Variants in LHFPL2 observed in about 807,000 individuals in gnomAD.
LHFPL2 encodes LHFPL tetraspan subfamily member 2.
Under a neutral mutation model 17.5 loss-of-function variants are expected in LHFPL2, and 7 were observed. That is an observed-to-expected ratio of 0.40 (90% CI 0.23 to 0.75). The LOEUF is 0.75. Ranked by LOEUF, LHFPL2 falls within the 30% of genes least tolerant of loss-of-function variation. The pLI, the probability that LHFPL2 is intolerant of heterozygous loss-of-function variation, is 0.37. For missense variants in LHFPL2, 241 were observed against 294.8 expected (o/e 0.82, Z 1.34); for synonymous variants, 134 against 116.2 (o/e 1.15, Z -0.99).
At chr5:78,633,984 G>GAAC (rs1179276067) in intron 1 of LHFPL2, among the ~76,000 whole-genome samples, 1 of 152,122 alleles carries the variant, frequency 6.6e-6, no homozygotes, top group Non-Finnish European at 1.5e-5. Context: ...AGAGTGAAAT[G>GAAC]AACTCTGTGG....
In LHFPL2 at chr5:78,510,207, G is replaced by A; in HGVS notation, c.7C>T (p.His3Tyr). 6.3e-7 allele frequency: 1 copy of A among 1,586,052 alleles called. No homozygotes were observed. Among genetic ancestry groups the A allele is most frequent in the Non-Finnish European group, 8.6e-7 (1 of 1,162,976 alleles). The part of the protein sequence containing the change: MC[H>Y]VIVTCRSMLW... The stretch of plus-strand genomic sequence containing the variant: ...ATCGAGCGACAGGTGACAATGACAT[G>A]ACACATATTGATGTTCCGGGCGAAG... The change falls in exon 4 of 5, where the codon CAT becomes TAT. Residue 3 changes from histidine to tyrosine, a missense_variant. By Grantham distance (83) the His-to-Tyr change is moderately conservative (BLOSUM62 2). Coordinates refer to ENST00000380345, the MANE Select transcript of LHFPL2 (RefSeq NM_005779.3).
chr5:78,616,666 T>C (rs886846852), intron 2 of LHFPL2, among the ~76,000 whole-genome samples: 18 of 152,316 alleles, frequency 1.2e-4, no homozygotes, highest in African/African-American at 4.3e-4. Context: ...CAATTGTCAC[T>C]GGCAGCCCTT....
At position 78,515,290 on chromosome 5, in the gene LHFPL2, C is replaced by T. The variant is rs530809642; in HGVS notation, c.-185-4892G>A. On this transcript the variant is annotated intron_variant, in intron 3 of 4. Transcript: ENST00000380345. ...TCCACCCCATCCCAATTATTTTCCC[C>T]GACATTGACTATTTGAAGATACTGG... Among the ~76,000 whole-genome samples the T allele has an allele frequency of 3.3e-5, 5 of 151,862 alleles. No homozygotes were observed. In the South Asian group the frequency reaches 8.3e-4, roughly 25 times the overall value.
intron 2 of LHFPL2, among the ~76,000 whole-genome samples, chr5:78,584,814 T>A (rs796238942): frequency 3.9e-5 from 6 of 152,118 alleles, no homozygotes; most frequent in Non-Finnish European, 8.8e-5. Flanking sequence ...GGCTCCACCC[T>A]GTTGGAGCTT....
intron 3 of LHFPL2, among the ~76,000 whole-genome samples, chr5:78,526,069 G>C (rs371680406): frequency 2.6e-5 from 4 of 151,984 alleles, no homozygotes; most frequent in East Asian, 3.9e-4. Context: ...GCTGTTCCCC[G>C]GCCCCTCAGT....
intron 4 of LHFPL2, among the ~76,000 whole-genome samples, chr5:78,494,840 C>T (rs10474553): frequency 0.49 from 74,295 of 152,010 alleles, 18,830 homozygotes; most frequent in African/African-American, 0.54. Flanking sequence ...GACTGGGCTC[C>T]GTGAGGGCAG....
intron 4 of LHFPL2, among the ~76,000 whole-genome samples, chr5:78,496,575 C>A (rs1228234555): frequency 2.0e-5 from 3 of 152,246 alleles, no homozygotes; most frequent in Non-Finnish European, 4.4e-5. Context: ...GTTGACCCAG[C>A]ACAGCTCACT....
intron 3 of LHFPL2, among the ~76,000 whole-genome samples, chr5:78,547,809 T>A (rs1756326628): frequency 6.6e-6 from 1 of 152,192 alleles, no homozygotes; most frequent in Admixed American, 6.5e-5. Context: ...ATGACGTAGG[T>A]CTCACTGTGG....
At position 78,557,976 on chromosome 5, in the gene LHFPL2, A is replaced by T. The variant is rs141295066; in HGVS notation, c.-186+6837T>A. Among the ~76,000 whole-genome samples, 606 of 152,352 alleles carry T rather than the reference A, an allele frequency of 4.0e-3. 2 individuals are homozygous for T. The highest frequency in any genetic ancestry group is 0.014 in the Middle Eastern group (4 of 294). On this transcript the variant is annotated intron_variant, in intron 3 of 4. Coordinates refer to ENST00000380345, the MANE Select transcript of LHFPL2 (RefSeq NM_005779.3). ...TTACAAAAACTTTATTGCAATTTGA[A>T]TTGAATTAATCCAAGAGAATAGAGA...
rs1756342282 is a variant in LHFPL2 at position 78,548,206 on chromosome 5, GGCGAT to G, written c.-186+16602_-186+16606del. Among the ~76,000 whole-genome samples the G allele has an allele frequency of 1.1e-4, 16 of 152,354 alleles. No homozygotes were observed. In the South Asian group the frequency reaches 3.3e-3, roughly 32 times the overall value. ...TCTGAGTGTTTTAAGGCCTGGATGT[GGCGAT>G]GCAGAGGCCTCCCAGCTACGGTACA... On this transcript the variant is annotated intron_variant, in intron 3 of 4. Coordinates refer to ENST00000380345, the MANE Select transcript of LHFPL2 (RefSeq NM_005779.3).
At chr5:78,593,172 C>T (rs530577093) in intron 2 of LHFPL2, among the ~76,000 whole-genome samples, 2 of 152,228 alleles carry the variant, frequency 1.3e-5, no homozygotes, top group East Asian at 3.9e-4. Context: ...AAGGAGATGC[C>T]AGCTGCTGCT....
intron 2 of LHFPL2, among the ~76,000 whole-genome samples, chr5:78,611,514 G>C (rs1744422664): frequency 6.6e-6 from 1 of 152,188 alleles, no homozygotes; most frequent in Non-Finnish European, 1.5e-5. Flanking sequence ...CAGAATCCTG[G>C]GGAAAAAGAC....
intron 2 of LHFPL2, among the ~76,000 whole-genome samples, chr5:78,601,503 C>T: frequency 6.6e-6 from 1 of 152,120 alleles, no homozygotes; most frequent in East Asian, 1.9e-4. Context: ...GGCAGCCTCC[C>T]CCAAAAGGAA....
chr5:78,504,580 A>G (rs781420320), intron 4 of LHFPL2, among the ~76,000 whole-genome samples: 21 of 152,204 alleles, frequency 1.4e-4, no homozygotes, highest in Admixed American at 3.3e-4. Context: ...TGCATTTCGT[A>G]TGCCCACCCA....
intron 3 of LHFPL2, among the ~76,000 whole-genome samples, chr5:78,517,914 C>T (rs563280270): frequency 6.6e-6 from 1 of 152,324 alleles, no homozygotes; most frequent in South Asian, 2.1e-4. Flanking sequence ...TCTATTTCTA[C>T]AAATGTCCTC....
At chr5:78,576,021 C>T (rs1046709066) in intron 2 of LHFPL2, among the ~76,000 whole-genome samples, 5 of 152,188 alleles carry the variant, frequency 3.3e-5, no homozygotes, top group African/African-American at 7.2e-5. Flanking sequence ...TCTGGCCGGG[C>T]GCAGTGGCTC....
chr5:78,508,552 T>A (rs887884864), intron 4 of LHFPL2, among the ~76,000 whole-genome samples: 1 of 152,170 alleles, frequency 6.6e-6, no homozygotes, highest in African/African-American at 2.4e-5. Context: ...GTAAACTTTA[T>A]CTTATCGGCT....
intron 2 of LHFPL2, among the ~76,000 whole-genome samples, chr5:78,630,512 A>T (rs939512790): frequency 1.3e-5 from 2 of 152,090 alleles, no homozygotes; most frequent in African/African-American, 4.8e-5. Flanking sequence ...TCCTCCTTCT[A>T]TCGAACCCCT....
chr5:78,501,535 G>A (rs1174336940), intron 4 of LHFPL2, among the ~76,000 whole-genome samples: 1 of 152,182 alleles, frequency 6.6e-6, no homozygotes, highest in Non-Finnish European at 1.5e-5. Context: ...ATGGTAAGGA[G>A]GCTCTGAGTC....
Sources: gnomAD v4.1 joint callset for allele counts (sites outside exome capture counted in the v4.1 genomes callset) on GRCh38, gnomAD v4.1.1 for gene constraint, MANE v1.5 for transcripts, NCBI Gene and HGNC (gene_info 2026-07-23, HGNC 2026-07-21) for gene names.